MYO3B: variants seen among roughly 807,000 people sequenced by gnomAD.
The protein encoded by MYO3B is myosin-IIIb.
A neutral mutation model predicts 174.6 loss-of-function variants in MYO3B; 156 were observed. That is an observed-to-expected ratio of 0.89 (90% CI 0.78 to 1.02). MYO3B has a LOEUF of 1.02. MYO3B is among the 50% of genes least tolerant of loss of function. MYO3B has a pLI of 0.00. For synonymous variants in MYO3B, 563 were observed against 569.1 expected, an observed-to-expected ratio of 0.99 and a Z score of 0.15; for missense variants, 1,632 against 1,639.4, an observed-to-expected ratio of 1.00 and a Z score of 0.08.
At chr2:170,620,292 AC>A (rs1328246190) in intron 32 of MYO3B, among the ~76,000 whole-genome samples, 1 of 152,198 alleles carries the variant, frequency 6.6e-6, no homozygotes, top group Non-Finnish European at 1.5e-5. Context: ...TACTTCCATG[AC>A]ACATAACAGG....
chr2:170,469,190 T>G (rs1158000897), intron 25 of MYO3B, among the ~76,000 whole-genome samples: 1 of 152,160 alleles, frequency 6.6e-6, no homozygotes, highest in Non-Finnish European at 1.5e-5. Flanking sequence ...GCTATTGTAG[T>G]AAATAATGCA....
intron 29 of MYO3B, among the ~76,000 whole-genome samples, chr2:170,516,249 T>G (rs1688299590): frequency 6.6e-6 from 1 of 152,140 alleles, no homozygotes; most frequent in Non-Finnish European, 1.5e-5. Flanking sequence ...TCTTCCTACG[T>G]GCCCCCAAAG....
At chr2:170,439,476 A>G (rs924770271) in intron 22 of MYO3B, among the ~76,000 whole-genome samples, 6 of 152,116 alleles carry the variant, frequency 3.9e-5, no homozygotes, top group African/African-American at 9.7e-5. Flanking sequence ...TTAGCTATAT[A>G]GTTTGAAAAA....
chr2:170,490,046 TG>T (rs1686359050), intron 25 of MYO3B, among the ~76,000 whole-genome samples: 2 of 150,802 alleles, frequency 1.3e-5, no homozygotes, highest in Non-Finnish European at 1.5e-5. Flanking sequence ...TTTTTTTTTT[TG>T]AGATGGAGTC....
At chr2:170,298,566 T>G (rs2093642733) in intron 7 of MYO3B, among the ~76,000 whole-genome samples, 1 of 150,212 alleles carries the variant, frequency 6.7e-6, no homozygotes, top group Admixed American at 6.7e-5. Context: ...TCCCAGCTAC[T>G]CAGGAGGCTG....
intron 30 of MYO3B, chr2:170,524,664 A>G: frequency 3.0e-6 from 1 of 332,796 alleles, no homozygotes; most frequent in South Asian, 2.2e-5. Flanking sequence ...TTGTGTTTTT[A>G]GTGGAGATGG....
chr2:170,268,689 A>G (rs985689818), intron 7 of MYO3B, among the ~76,000 whole-genome samples: 7 of 152,320 alleles, frequency 4.6e-5, no homozygotes, highest in African/African-American at 1.7e-4. Context: ...AAACTGATAA[A>G]TAATGTGATA....
intron 23 of MYO3B, among the ~76,000 whole-genome samples, chr2:170,447,462 G>A (rs1199828316): frequency 3.3e-5 from 5 of 152,186 alleles, no homozygotes. Flanking sequence ...AGAACAGGAG[G>A]AAATTCTTCA....
chr2:170,355,479 A>G (rs748223354), intron 8 of MYO3B, among the ~76,000 whole-genome samples: 1 of 152,172 alleles, frequency 6.6e-6, no homozygotes, highest in Admixed American at 6.5e-5. Context: ...CTGCCTCTTT[A>G]TCTAATCTCC....
intron 7 of MYO3B, among the ~76,000 whole-genome samples, chr2:170,276,283 T>A (rs1018145966): frequency 2.0e-5 from 3 of 152,140 alleles, no homozygotes; most frequent in African/African-American, 7.2e-5. Flanking sequence ...TAGAGAATGT[T>A]TGAGTGAAAC....
At chr2:170,453,535 A>T (rs1294940131) in intron 23 of MYO3B, among the ~76,000 whole-genome samples, 1 of 151,830 alleles carries the variant, frequency 6.6e-6, no homozygotes, top group Non-Finnish European at 1.5e-5. Flanking sequence ...TTGACAGCAT[A>T]CCAGGTACCA....
At chr2:170,644,789 G>C (rs991619710) in intron 32 of MYO3B, 1 of 152,248 alleles carries the variant, frequency 6.6e-6, no homozygotes, top group Admixed American at 6.5e-5. Context: ...TTTGGGATTA[G>C]GAAGTAAGGA....
Position 170,200,205 on chromosome 2 carries a change from A to G in MYO3B, c.242A>G (p.His81Arg). ...AACATTTTGCAGTTCCTTCCTAATC[A>G]TCCCAATGTTGTAAAGTTTTATGGG... ...EYNILQFLPN[H>R]PNVVKFYGMF... Residue 81 changes from histidine to arginine, a missense_variant, in exon 3 of 35, where the codon CAT becomes CGT. By Grantham distance (29) the His-to-Arg change is conservative. Coordinates refer to ENST00000408978, the MANE Select transcript of MYO3B (RefSeq NM_138995.5). The G allele has an allele frequency of 6.2e-7, 1 of 1,613,524 alleles. No individual in the cohort carries two copies. The highest frequency in any genetic ancestry group is 8.5e-7 in the Non-Finnish European group (1 of 1,179,646).
At chr2:170,313,867 C>G (rs73014998) in intron 7 of MYO3B, among the ~76,000 whole-genome samples, 6,329 of 152,084 alleles carry the variant, frequency 0.042, 189 homozygotes, top group Middle Eastern at 0.13. Context: ...CACACACAGA[C>G]ACACACACAC....
chr2:170,605,477 G>A (rs6433225), intron 32 of MYO3B, among the ~76,000 whole-genome samples: 40,963 of 152,068 alleles, frequency 0.27, 8,693 homozygotes, highest in African/African-American at 0.59. Flanking sequence ...AGGGTATCCT[G>A]TGCTTAGCAT....
chr2:170,444,125 A>G, intron 23 of MYO3B, 79 bp downstream of exon 23: 1 of 1,293,516 alleles, frequency 7.7e-7, no homozygotes, highest in Non-Finnish European at 1.1e-6. Flanking sequence ...AGTGGGCAGC[A>G]TTAGTTCCCT....
At chr2:170,646,874 G>A (rs776606038) in intron 32 of MYO3B, 16 of 1,316,742 alleles carry the variant, frequency 1.2e-5, no homozygotes, top group East Asian at 4.6e-5. Context: ...TCAGTATCTC[G>A]TTTTCTAACT....
chr2:170,324,006 C>T (rs2093847435), intron 7 of MYO3B, among the ~76,000 whole-genome samples: 2 of 152,106 alleles, frequency 1.3e-5, no homozygotes, highest in South Asian at 4.2e-4. Context: ...AAGGAGTTCC[C>T]CTTTTATGGC....
chr2:170,400,158 TTCATATA>T, intron 16 of MYO3B, 23 bp from the exon 17 acceptor site: 2 of 1,613,786 alleles, frequency 1.2e-6, no homozygotes, highest in Non-Finnish European at 1.7e-6. Context: ...GGCAATGACC[TTCATATA>T]TGGTTCTTGA....
Sources: gnomAD v4.1 joint callset for allele counts (sites outside exome capture counted in the v4.1 genomes callset) on GRCh38, gnomAD v4.1.1 for gene constraint, MANE v1.5 for transcripts, NCBI Gene and HGNC (gene_info 2026-07-23, HGNC 2026-07-21) for gene names.